The following CTNNA2 variants were observed in gnomAD, a reference collection of about 807,000 sequenced individuals.
CTNNA2 encodes the protein catenin alpha 2.
CTNNA2 carries 42 observed loss-of-function variants against 101.0 expected under a neutral mutation model. The observed-to-expected ratio is 0.42, with a 90% CI of 0.32 to 0.54. The LOEUF is 0.54. CTNNA2 is among the 20% of genes least tolerant of loss of function. The pLI is 0.14. For missense variants in CTNNA2, 871 were observed against 1,223.1 expected, an observed-to-expected ratio of 0.71 and a Z score of 4.29; for synonymous variants, 450 against 456.4, an observed-to-expected ratio of 0.99 and a Z score of 0.18.
chr2:80,583,107 G>A (rs1014759260), intron 14 of CTNNA2, among the ~76,000 whole-genome samples: 22 of 152,130 alleles, frequency 1.4e-4, no homozygotes, highest in African/African-American at 5.3e-4. Context: ...CATGCTCAAA[G>A]CTACATGTTG....
intron 1 of CTNNA2, among the ~76,000 whole-genome samples, chr2:79,193,059 C>T (rs1673895959): frequency 6.6e-6 from 1 of 152,122 alleles, no homozygotes; most frequent in Non-Finnish European, 1.5e-5. Flanking sequence ...GTATCCCTAG[C>T]AACATTTAGT....
chr2:79,485,760 G>A (rs1158142332), intron 4 of CTNNA2, among the ~76,000 whole-genome samples: 1 of 152,130 alleles, frequency 6.6e-6, no homozygotes, highest in African/African-American at 2.4e-5. Flanking sequence ...CTCAGTACAG[G>A]CAACATCTCC....
At position 79,328,637 on chromosome 2, in the gene CTNNA2, T is replaced by A. The variant is rs140134752; in HGVS notation, c.-318+15841T>A. On this transcript the variant is annotated intron_variant, in intron 3 of 21. Transcript: ENST00000466387. ...ACGAAAAACACTATTCAATGAGGCA[T>A]CCATGAAGGTAGAGTGTGGTTTGAG... Among the ~76,000 whole-genome samples the A allele has an allele frequency of 6.0e-3, 914 of 152,236 alleles. 1 individual carries two copies. The highest frequency in any genetic ancestry group is 9.5e-3 in the Non-Finnish European group (646 of 68,006).
At chr2:80,279,157 G>A (rs1674165677) in intron 7 of CTNNA2, among the ~76,000 whole-genome samples, 1 of 151,602 alleles carries the variant, frequency 6.6e-6, no homozygotes, top group African/African-American at 2.4e-5. Context: ...AGGAGGGACA[G>A]CCTGGAGAAA....
intron 7 of CTNNA2, among the ~76,000 whole-genome samples, chr2:80,368,790 AG>A (rs1425189060): frequency 8.0e-5 from 12 of 150,928 alleles, no homozygotes; most frequent in African/African-American, 2.4e-4. Flanking sequence ...AAAAAAGAAA[AG>A]AAAAGAAAAG....
chr2:79,247,075 G>T (rs1368698282), intron 2 of CTNNA2, among the ~76,000 whole-genome samples: 2 of 152,156 alleles, frequency 1.3e-5, no homozygotes, highest in Non-Finnish European at 2.9e-5. Flanking sequence ...AGCATGGCAT[G>T]CTCAGTATCT....
At chr2:80,076,959 T>C (rs1182404885) in intron 7 of CTNNA2, among the ~76,000 whole-genome samples, 1 of 151,914 alleles carries the variant, frequency 6.6e-6, no homozygotes, top group Non-Finnish European at 1.5e-5. Flanking sequence ...GGTAGGAGAA[T>C]GGTGTGAACC....
At chr2:79,292,909 T>C (rs1425118086) in intron 2 of CTNNA2, 1 of 152,262 alleles carries the variant, frequency 6.6e-6, no homozygotes, top group Non-Finnish European at 1.5e-5. Flanking sequence ...GTCAGAATCT[T>C]CTAGTTCAAT....
At chr2:79,467,753 C>A (rs1670955240) in intron 4 of CTNNA2, among the ~76,000 whole-genome samples, 1 of 152,158 alleles carries the variant, frequency 6.6e-6, no homozygotes, top group Non-Finnish European at 1.5e-5. Context: ...ATTTTCAACC[C>A]AGAATTTCAT....
intron 1 of CTNNA2, among the ~76,000 whole-genome samples, chr2:79,561,742 G>A (rs1674794402): frequency 6.6e-6 from 1 of 151,674 alleles, no homozygotes; most frequent in Non-Finnish European, 1.5e-5. Context: ...GTACTTGGTG[G>A]CCCTCATATA....
intron 9 of CTNNA2, among the ~76,000 whole-genome samples, chr2:80,538,559 T>A (rs578254402): frequency 6.6e-6 from 1 of 152,266 alleles, no homozygotes; most frequent in African/African-American, 2.4e-5. Flanking sequence ...ATTTCTGAGG[T>A]CTCTGTTCTG....
At chr2:79,753,999 G>T (rs1672228778) in intron 3 of CTNNA2, among the ~76,000 whole-genome samples, 1 of 151,106 alleles carries the variant, frequency 6.6e-6, no homozygotes, top group Admixed American at 6.6e-5. Context: ...CTCCCAAGTA[G>T]CTGGGATTAC....
At chr2:80,027,173 A>G (rs1439553211) in intron 7 of CTNNA2, among the ~76,000 whole-genome samples, 1 of 152,216 alleles carries the variant, frequency 6.6e-6, no homozygotes, top group Non-Finnish European at 1.5e-5. Context: ...GAGAAGGTGA[A>G]CTTTGAGCAG....
At chr2:80,297,079 T>G (rs1171756331) in intron 7 of CTNNA2, among the ~76,000 whole-genome samples, 5 of 152,306 alleles carry the variant, frequency 3.3e-5, no homozygotes, top group Non-Finnish European at 7.3e-5. Flanking sequence ...AGAAGTCTCC[T>G]CTATTGGCAG....
intron 7 of CTNNA2, among the ~76,000 whole-genome samples, chr2:80,138,362 A>G (rs1385710099): frequency 6.6e-6 from 1 of 152,188 alleles, no homozygotes; most frequent in Non-Finnish European, 1.5e-5. Flanking sequence ...GGCTAGTTAC[A>G]TAGCCTATCT....
At chr2:79,666,961 C>G (rs1682461539) in intron 2 of CTNNA2, among the ~76,000 whole-genome samples, 1 of 152,070 alleles carries the variant, frequency 6.6e-6, no homozygotes, top group African/African-American at 2.4e-5. Context: ...ACCTTGGCTT[C>G]TAAGTCTCCT....
chr2:80,213,314 A>C (rs1708028989), intron 7 of CTNNA2, among the ~76,000 whole-genome samples: 1 of 151,876 alleles, frequency 6.6e-6, no homozygotes, highest in Non-Finnish European at 1.5e-5. Flanking sequence ...TTAGGGTGTC[A>C]ATTTTAGATC....
intron 1 of CTNNA2, among the ~76,000 whole-genome samples, chr2:79,188,551 G>T (rs959880721): frequency 1.1e-4 from 16 of 152,166 alleles, no homozygotes; most frequent in African/African-American, 3.6e-4. Flanking sequence ...GGCAACAAAG[G>T]TTGTGAGGCA....
At chr2:79,245,561 G>A (rs1488626801) in intron 2 of CTNNA2, among the ~76,000 whole-genome samples, 2 of 152,190 alleles carry the variant, frequency 1.3e-5, no homozygotes, top group Non-Finnish European at 2.9e-5. Context: ...CTCCCAGGAA[G>A]CTCTACTCTA....
Sources: gnomAD v4.1 joint callset for allele counts (sites outside exome capture counted in the v4.1 genomes callset) on GRCh38, gnomAD v4.1.1 for gene constraint, MANE v1.5 for transcripts, NCBI Gene and HGNC (gene_info 2026-07-23, HGNC 2026-07-21) for gene names.